Variants in NIBAN2 observed in about 807,000 individuals in gnomAD.
NIBAN2 encodes the protein niban apoptosis regulator 2.
A neutral mutation model predicts 81.8 loss-of-function variants in NIBAN2; 36 were observed. The ratio of observed to expected loss-of-function variants is 0.44; its 90% confidence interval spans 0.34 to 0.58. The LOEUF (loss-of-function observed/expected upper bound fraction) is 0.58, where lower values mean the gene tolerates loss of function less well. NIBAN2 is among the 20% of genes least tolerant of loss of function. The pLI is 0.02. For synonymous variants in NIBAN2, 445 were observed against 441.6 expected, an observed-to-expected ratio of 1.01 and a Z score of -0.10; for missense variants, 897 against 1,014.1, an observed-to-expected ratio of 0.88 and a Z score of 1.57.
chr9:127,532,923 C>A (rs1837210365), intron 1 of NIBAN2, among the ~76,000 whole-genome samples: 1 of 152,064 alleles, frequency 6.6e-6, no homozygotes, highest in Admixed American at 6.5e-5. Context: ...TTTGGGAGGA[C>A]AAGGTAGACA....
intron 8 of NIBAN2, 32 bp from the exon 9 acceptor site, chr9:127,510,365 C>A (rs201600255): frequency 1.3e-6 from 2 of 1,557,406 alleles, no homozygotes; most frequent in Non-Finnish European, 1.7e-6. Context: ...TCAGCAGGGG[C>A]TCCCCAAGGA....
At chr9:127,535,659 G>A (rs1837262736) in intron 1 of NIBAN2, among the ~76,000 whole-genome samples, 1 of 152,128 alleles carries the variant, frequency 6.6e-6, no homozygotes, top group Admixed American at 6.5e-5. Flanking sequence ...TTCCCTCTAG[G>A]TTTGTCACGT....
At chr9:127,577,132 A>G (rs913339626) in intron 1 of NIBAN2, among the ~76,000 whole-genome samples, 3 of 151,416 alleles carry the variant, frequency 2.0e-5, no homozygotes, top group African/African-American at 7.3e-5. Flanking sequence ...ACATGGTGAA[A>G]GCCCGTCTCT....
chr9:127,532,405 G>T (rs975020632), intron 1 of NIBAN2, among the ~76,000 whole-genome samples: 1 of 152,060 alleles, frequency 6.6e-6, no homozygotes, highest in Non-Finnish European at 1.5e-5. Flanking sequence ...AGCCCAATGT[G>T]GCCAACATGG....
At chr9:127,570,030 C>A (rs2132245181), upstream of NIBAN2, among the ~76,000 whole-genome samples, 1 of 152,218 alleles carries the variant, frequency 6.6e-6, no homozygotes, top group Admixed American at 6.5e-5. Context: ...CAGTGGGATC[C>A]CCAGATCTCA....
chr9:127,526,745 C>A (rs1837073507), intron 3 of NIBAN2, among the ~76,000 whole-genome samples: 1 of 152,144 alleles, frequency 6.6e-6, no homozygotes, highest in African/African-American at 2.4e-5. Context: ...TTCTCGGACA[C>A]CTACCCACCT....
At chr9:127,513,017 G>A (rs1049439225) in intron 8 of NIBAN2, among the ~76,000 whole-genome samples, 1 of 152,110 alleles carries the variant, frequency 6.6e-6, no homozygotes, top group Non-Finnish European at 1.5e-5. Context: ...ACATATACAC[G>A]ATGGGGTACT....
At position 127,519,314 on chromosome 9, in the gene NIBAN2, G is replaced by A. The variant is rs565711638; in HGVS notation, c.590-1373C>T. The stretch of plus-strand genomic sequence containing the variant: ...AGCAAGGTAAACCCCTGAGTGAGGC[G>A]TGGACCTCCAGATTCAGTGCCCGGG... On this transcript the variant is annotated intron_variant, in intron 5 of 13. Transcript: ENST00000373312. Among the ~76,000 whole-genome samples the A allele has an allele frequency of 3.9e-5, 6 of 152,216 alleles. No homozygotes were observed. The South Asian group carries it at 6.2e-4, about 16-fold the overall frequency.
chr9:127,560,706 G>C (rs1278322001), intron 1 of NIBAN2, among the ~76,000 whole-genome samples: 1 of 152,198 alleles, frequency 6.6e-6, no homozygotes, highest in Non-Finnish European at 1.5e-5. Context: ...CCAGCACAGC[G>C]CCGGGCACAC....
chr9:127,561,266 A>G, intron 1 of NIBAN2: 1 of 985,516 alleles, frequency 1.0e-6, no homozygotes, highest in Non-Finnish European at 1.2e-6. Flanking sequence ...TCTCATATTT[A>G]GGGCTGCTTA....
At chr9:127,573,712 G>T (rs1185931408), upstream of NIBAN2, among the ~76,000 whole-genome samples, 1 of 152,108 alleles carries the variant, frequency 6.6e-6, no homozygotes, top group Non-Finnish European at 1.5e-5. Context: ...AGAGTGCAGT[G>T]GCACGATCTC....
intron 1 of NIBAN2, chr9:127,578,798 A>C: frequency 1.1e-6 from 1 of 895,096 alleles, no homozygotes; most frequent in Non-Finnish European, 1.7e-6. Context: ...TTGAGGCTGC[A>C]TTGAGCTATG....
chr9:127,554,542 CTTTTTCTTTTT>C lies in NIBAN2; in HGVS notation c.55+14267_55+14277del, dbSNP rs1416824521. 2.8e-3 allele frequency among the ~76,000 whole-genome samples: 304 copies of C among 108,040 alleles called. 1 individual carries two copies. The highest frequency in any genetic ancestry group is 0.011 in the African/African-American group (289 of 26,238). 70.9% of individuals were successfully genotyped at this position (108,040 alleles called of 152,430 possible). A position where few individuals can be genotyped will look rare whatever the true frequency, so the allele number is the denominator to read the frequency against. On this transcript the variant is annotated intron_variant, in intron 1 of 13. Coordinates refer to ENST00000373312, the MANE Select transcript of NIBAN2 (RefSeq NM_022833.4). ...TCAATAGGGTTATTCTTTTCTTTTT[CTTTTTCTTTTT>C]TTTTTTTTTTTTTTTTTTGCTTTTT...
At chr9:127,510,072 C>T (rs1007304050) in intron 9 of NIBAN2, 74 bp downstream of exon 9, 98 of 1,401,168 alleles carry the variant, frequency 7.0e-5, no homozygotes, top group Non-Finnish European at 8.4e-5. Context: ...CCCGGAGTCA[C>T]GCAGCCGGGG....
intron 8 of NIBAN2, among the ~76,000 whole-genome samples, chr9:127,512,955 T>C (rs1238621181): frequency 6.6e-6 from 1 of 152,154 alleles, no homozygotes; most frequent in Non-Finnish European, 1.5e-5. Flanking sequence ...CAACCAAGAT[T>C]TGGAAGCAAC....
chr9:127,550,356 C>G (rs1419442253), intron 1 of NIBAN2, among the ~76,000 whole-genome samples: 1 of 152,216 alleles, frequency 6.6e-6, no homozygotes, highest in African/African-American at 2.4e-5. Context: ...AACTGCCAGC[C>G]TAGGGTGCTG....
chr9:127,538,122 C>T (rs1837311786), intron 1 of NIBAN2, among the ~76,000 whole-genome samples: 2 of 152,270 alleles, frequency 1.3e-5, no homozygotes, highest in South Asian at 4.2e-4. Flanking sequence ...TGAGAGCCAA[C>T]CCTTTCAGCA....
chr9:127,559,930 C>T lies in NIBAN2; in HGVS notation c.55+8890G>A, dbSNP rs1837741403. ...AAGAGCTAAGGCCACATCATCTCAC[C>T]GACCCTGCACAACAGCCTCAGGGGC... On this transcript the variant is annotated intron_variant, in intron 1 of 13. Coordinates refer to ENST00000373312, the MANE Select transcript of NIBAN2 (RefSeq NM_022833.4). The surrounding 1 kb of genome is among the most constrained non-coding windows in gnomAD (Gnocchi z 4.0). 6.6e-6 allele frequency among the ~76,000 whole-genome samples: 1 copy of T among 152,186 alleles called. No individual in the cohort carries two copies. The highest frequency in any genetic ancestry group is 1.5e-5 in the Non-Finnish European group (1 of 68,042).
At chr9:127,572,062 T>A (rs1314688259), upstream of NIBAN2, among the ~76,000 whole-genome samples, 1 of 152,220 alleles carries the variant, frequency 6.6e-6, no homozygotes, top group African/African-American at 2.4e-5. Context: ...TGAGACAAGG[T>A]CTCTCTGTGT....
Sources: gnomAD v4.1 joint callset for allele counts (sites outside exome capture counted in the v4.1 genomes callset) on GRCh38, gnomAD v4.1.1 for gene constraint, Gnocchi (gnomAD v3.1) non-coding constraint, MANE v1.5 for transcripts, NCBI Gene and HGNC (gene_info 2026-07-23, HGNC 2026-07-21) for gene names.